The following LRCH2 variants were observed in gnomAD, a reference collection of about 807,000 sequenced individuals.
LRCH2 encodes the protein leucine-rich repeat and calponin homology domain-containing protein 2.
Under a neutral mutation model 68.9 loss-of-function variants are expected in LRCH2, and 38 were observed. The observed-to-expected ratio is 0.55, with a 90% CI of 0.43 to 0.72. The LOEUF is 0.72. Among genes scored for constraint, LRCH2 ranks in the 30% least tolerant of loss-of-function variants. The pLI is 0.00. For missense variants in LRCH2, 528 were observed against 572.9 expected, an observed-to-expected ratio of 0.92 and a Z score of 0.80; for synonymous variants, 191 against 208.1, an observed-to-expected ratio of 0.92 and a Z score of 0.71.
intron 6 of LRCH2, among the ~76,000 whole-genome samples, chrX:115,167,222 A>G (rs1472215387): frequency 2.2e-5 from 2 of 90,345 alleles, no homozygotes; most frequent in South Asian, 5.0e-4. Context: ...AAAAAAAACA[A>G]TAACAACAAC....
intron 12 of LRCH2, among the ~76,000 whole-genome samples, chrX:115,155,809 G>C (rs1281396416): frequency 3.6e-5 from 4 of 111,677 alleles, no homozygotes; most frequent in Non-Finnish European, 7.5e-5. Context: ...AAGAAGTTCT[G>C]TTCCTAAATG....
intron 12 of LRCH2, among the ~76,000 whole-genome samples, chrX:115,152,515 C>T (rs1266372038): frequency 3.6e-5 from 4 of 111,537 alleles, no homozygotes; most frequent in African/African-American, 1.3e-4. Context: ...GAATTAACTG[C>T]AGATTAGACA....
intron 16 of LRCH2, among the ~76,000 whole-genome samples, 165 bp from the exon 17 acceptor site, chrX:115,124,167 T>A (rs1168978793): frequency 1.8e-5 from 2 of 111,961 alleles, no homozygotes; most frequent in Non-Finnish European, 3.8e-5. Context: ...TTGATACATG[T>A]CACTTTTAAG....
intron 3 of LRCH2, among the ~76,000 whole-genome samples, chrX:115,181,792 T>C (rs782549454): frequency 1.3e-4 from 15 of 112,156 alleles, no homozygotes; most frequent in Non-Finnish European, 5.6e-5. Flanking sequence ...AAAATAATAG[T>C]GTTAAACATT....
chrX:115,211,973 CAATAA>C (rs1485442044), intron 1 of LRCH2, among the ~76,000 whole-genome samples: 1 of 112,034 alleles, frequency 8.9e-6, no homozygotes, highest in Non-Finnish European at 1.9e-5. Context: ...TTAACCAATT[CAATAA>C]ACAAGGATTA....
chrX:115,163,643 T>C, intron 11 of LRCH2, 33 bp downstream of exon 11: 1 of 972,381 alleles, frequency 1.0e-6, no homozygotes, highest in Admixed American at 2.8e-5. Context: ...TTATAAAATT[T>C]GCCAATTCAA....
At position 115,180,323 on chromosome X, in the gene LRCH2, T is replaced by C. The variant is rs184987806; in HGVS notation, c.622-572A>G. Among the ~76,000 whole-genome samples the C allele has an allele frequency of 2.1e-3, 237 of 110,750 alleles. 1 individual carries two copies. Among genetic ancestry groups the C allele is most frequent in the Middle Eastern group, 9.3e-3 (2 of 216 alleles). ...TCAAAGACATTCTAAGAGATCTGAG[T>C]TGGAAATCTCTCAGGTTATCTAAGG... On this transcript the variant is annotated intron_variant, in intron 3 of 20. Transcript: ENST00000317135.
intron 10 of LRCH2, 95 bp from the exon 11 acceptor site, chrX:115,163,878 C>T (rs369511072): frequency 5.6e-6 from 3 of 539,446 alleles, no homozygotes; most frequent in South Asian, 4.1e-5. Context: ...TTTTTAACAC[C>T]ATATGAAAGT....
Position 115,149,817 on chromosome X carries a change from T to G in LRCH2, c.1695+10A>C. On this transcript the variant is annotated intron_variant, in intron 14 of 20. Coordinates refer to ENST00000317135, the MANE Select transcript of LRCH2 (RefSeq NM_020871.4). ...TTACAAAGTAAATTTAAAAACTTAA[T>G]ATAGAGTACCTTGAAATATTCTTTT... The G allele has an allele frequency of 9.3e-7, 1 of 1,073,145 alleles. No homozygotes were observed. The allele number at this position is 1,073,145 out of a possible 1,213,427, so 88.4% of individuals were successfully genotyped here.
chrX:115,181,523 T>A (rs1372343947), intron 3 of LRCH2, among the ~76,000 whole-genome samples: 1 of 112,318 alleles, frequency 8.9e-6, no homozygotes, highest in Non-Finnish European at 1.9e-5. Flanking sequence ...ATGAACCCAC[T>A]CCAGTGGGTG....
At chrX:115,226,461 T>C (rs1416228130) in intron 1 of LRCH2, among the ~76,000 whole-genome samples, 1 of 111,241 alleles carries the variant, frequency 9.0e-6, no homozygotes, top group Non-Finnish European at 1.9e-5. Flanking sequence ...ATTTGCATAT[T>C]AGAAAGAATG....
chrX:115,207,839 G>A (rs1556568771), intron 1 of LRCH2, among the ~76,000 whole-genome samples: 1 of 111,965 alleles, frequency 8.9e-6, no homozygotes, highest in African/African-American at 3.2e-5. Flanking sequence ...GATGAGATTA[G>A]CCTGCATCAT....
chrX:115,190,473 C>T (rs1453916739), intron 1 of LRCH2: 23 of 1,166,507 alleles, frequency 2.0e-5, no homozygotes, highest in Admixed American at 2.6e-5. Context: ...GTGAAGGCCG[C>T]TCGTCCGAGG....
At chrX:115,124,785 C>G (rs1034708896) in intron 16 of LRCH2, among the ~76,000 whole-genome samples, 68 of 111,845 alleles carry the variant, frequency 6.1e-4, no homozygotes, top group African/African-American at 2.1e-3. Context: ...AGTTACCCAT[C>G]TCTTCAGCTG....
At chrX:115,159,946 T>A (rs1379902240) in intron 11 of LRCH2, among the ~76,000 whole-genome samples, 1 of 110,906 alleles carries the variant, frequency 9.0e-6, no homozygotes, top group Non-Finnish European at 1.9e-5. Context: ...TACAATATCC[T>A]CTTGCTGCTC....
chrX:115,162,634 T>A (rs1280793711), intron 11 of LRCH2, among the ~76,000 whole-genome samples: 1 of 111,745 alleles, frequency 8.9e-6, no homozygotes, highest in Non-Finnish European at 1.9e-5. Flanking sequence ...CTTAGGCAAT[T>A]TAGCTTATTA....
intron 20 of LRCH2, among the ~76,000 whole-genome samples, chrX:115,118,312 A>C (rs975049148): frequency 2.7e-5 from 3 of 111,090 alleles, no homozygotes; most frequent in Non-Finnish European, 5.7e-5. Flanking sequence ...TCAAATAGAC[A>C]CAATAAAAAA....
At chrX:115,208,125 C>T (rs1482513167) in intron 1 of LRCH2, among the ~76,000 whole-genome samples, 5 of 111,779 alleles carry the variant, frequency 4.5e-5, no homozygotes, top group Admixed American at 2.8e-4. Context: ...GACTAATTTT[C>T]TTTTTTTTAA....
At chrX:115,188,851 T>C (rs374939213) in intron 1 of LRCH2, among the ~76,000 whole-genome samples, 3 of 111,976 alleles carry the variant, frequency 2.7e-5, no homozygotes, top group African/African-American at 9.7e-5. Context: ...AAAAACCTCA[T>C]AGAACGCATG....
Sources: allele counts gnomAD v4.1 joint callset (sites outside exome capture counted in the v4.1 genomes callset), GRCh38; gene constraint gnomAD v4.1.1; transcripts MANE v1.5; gene names NCBI Gene and HGNC (gene_info 2026-07-23, HGNC 2026-07-21).